The following SIM2 variants were observed in gnomAD, a reference collection of about 807,000 sequenced individuals.
SIM2 encodes the protein single-minded homolog 2.
A neutral mutation model predicts 64.8 loss-of-function variants in SIM2; 28 were observed. The ratio of observed to expected loss-of-function variants is 0.43; its 90% CI spans 0.32 to 0.59. The LOEUF is 0.59. SIM2 is among the 20% of genes least tolerant of loss of function. The pLI is 0.07. For missense variants in SIM2, 847 were observed against 871.4 expected (o/e 0.97, Z 0.35); for synonymous variants, 408 against 391.1 (o/e 1.04, Z -0.51).
intron 3 of SIM2, among the ~76,000 whole-genome samples, chr21:36,718,358 C>T (rs1401241760): frequency 2.6e-5 from 4 of 152,272 alleles, no homozygotes; most frequent in South Asian, 2.1e-4. Context: ...TGTCCTGTTG[C>T]GTGAGGTGGC....
chr21:36,742,147 T>C (rs1367954780), intron 8 of SIM2, among the ~76,000 whole-genome samples: 2 of 151,920 alleles, frequency 1.3e-5, no homozygotes, highest in African/African-American at 4.8e-5. Flanking sequence ...CAGAACCTAG[T>C]GAGGAGCATG....
At chr21:36,733,100 A>AG (rs551990756) in intron 7 of SIM2, among the ~76,000 whole-genome samples, 176 of 152,346 alleles carry the variant, frequency 1.2e-3, no homozygotes, top group Non-Finnish European at 1.9e-3. Flanking sequence ...CCATGGAGGC[A>AG]GGAGAATGCT....
At chr21:36,736,713 TTCCTTCCCTTCCTTCCC>T (rs1318426557) in intron 7 of SIM2, among the ~76,000 whole-genome samples, 1 of 124,372 alleles carries the variant, frequency 8.0e-6, no homozygotes, top group Non-Finnish European at 1.6e-5. Context: ...CAGAACTAAC[TTCCTTCCCTTCCTTCCC>T]TCCTTCCCTT....
chr21:36,728,778 G>A (rs1423938500), intron 6 of SIM2, among the ~76,000 whole-genome samples: 1 of 152,220 alleles, frequency 6.6e-6, no homozygotes, highest in African/African-American at 2.4e-5. Context: ...TCCCTTCTGA[G>A]TCCAAACCCC....
intron 2 of SIM2, chr21:36,710,001 G>C (rs1454555932): frequency 6.3e-6 from 1 of 158,506 alleles, no homozygotes; most frequent in African/African-American, 2.4e-5. Context: ...GCTAATTTTT[G>C]TAGAGACAGG....
chr21:36,703,148 C>T (rs1031654101), intron 1 of SIM2, among the ~76,000 whole-genome samples: 2 of 152,072 alleles, frequency 1.3e-5, no homozygotes, highest in Non-Finnish European at 2.9e-5. Flanking sequence ...AGCCTCTGTT[C>T]CTTTTAACAT....
chr21:36,716,036 G>T (rs930592278), intron 3 of SIM2, among the ~76,000 whole-genome samples: 12 of 152,194 alleles, frequency 7.9e-5, no homozygotes, highest in Admixed American at 7.9e-4. Context: ...CAGTAGAGAG[G>T]CAGGCTTTCA....
intron 1 of SIM2, among the ~76,000 whole-genome samples, chr21:36,706,050 G>A (rs1188871994): frequency 6.6e-6 from 1 of 152,160 alleles, no homozygotes; most frequent in Non-Finnish European, 1.5e-5. Context: ...CTATCTCCCC[G>A]TTTGCTCCCA....
At chr21:36,706,019 G>A (rs963635092) in intron 1 of SIM2, among the ~76,000 whole-genome samples, 3 of 152,126 alleles carry the variant, frequency 2.0e-5, no homozygotes, top group African/African-American at 7.2e-5. Context: ...GAAGGGGGAC[G>A]GCCACCTCAC....
chr21:36,730,157 C>T (rs1411641566), intron 6 of SIM2, among the ~76,000 whole-genome samples: 1 of 152,214 alleles, frequency 6.6e-6, no homozygotes, highest in Admixed American at 6.5e-5. Flanking sequence ...CCATCTGTGC[C>T]AATCAACAGT....
intron 3 of SIM2, among the ~76,000 whole-genome samples, chr21:36,715,945 G>A (rs1017037896): frequency 1.3e-5 from 2 of 152,032 alleles, no homozygotes; most frequent in African/African-American, 4.8e-5. Flanking sequence ...GATTGTTGCT[G>A]CCAAACTTTG....
At chr21:36,734,842 C>G (rs997275008) in intron 7 of SIM2, among the ~76,000 whole-genome samples, 5 of 152,328 alleles carry the variant, frequency 3.3e-5, no homozygotes, top group Admixed American at 6.5e-5. Context: ...AGGTACAGAA[C>G]CTGGGCCAGA....
chr21:36,741,921 G>A lies in SIM2; in HGVS notation c.998+57G>A, dbSNP rs898683131. 1.4e-5 allele frequency: 20 copies of A among 1,456,920 alleles called. No individual in the cohort carries two copies. In the South Asian group the frequency reaches 1.8e-4, roughly 13 times the overall value. 90.2% of individuals were successfully genotyped at this position (1,456,920 alleles called of 1,614,324 possible). On this transcript the variant is annotated intron_variant, in intron 8 of 10. Transcript: ENST00000290399. ...TCTTTTCTCTTCCCTGTCCCACATCGGATGGCTCCAATAAGCACCATCTCT... is the reference window on the plus strand; with the variant it reads ...TCTTTTCTCTTCCCTGTCCCACATCAGATGGCTCCAATAAGCACCATCTCT...
chr21:36,732,479 G>A (rs535428388), intron 7 of SIM2, among the ~76,000 whole-genome samples: 8 of 152,334 alleles, frequency 5.3e-5, no homozygotes, highest in Admixed American at 6.5e-5. Flanking sequence ...GCTGGGCTCC[G>A]TGTGGACTGG....
intron 2 of SIM2, among the ~76,000 whole-genome samples, chr21:36,711,320 T>TA (rs1319858811): frequency 1.3e-5 from 2 of 152,240 alleles, no homozygotes; most frequent in East Asian, 3.8e-4. Context: ...AATTGCTGTA[T>TA]AGTATATATT....
At position 36,699,775 on chromosome 21, in the gene SIM2, A is replaced by G; in HGVS notation, c.29A>G (p.Lys10Arg). 6.2e-7 allele frequency: 1 copy of G among 1,613,014 alleles called. No individual in the cohort carries two copies. The highest frequency in any genetic ancestry group is 8.5e-7 in the Non-Finnish European group (1 of 1,179,422). Reference protein sequence around the residue: MKEKSKNAAKTRREKENGEF... With the variant: MKEKSKNAARTRREKENGEF... ...AAGGAGAAGTCCAAGAATGCGGCCAAGACCAGGAGGGAGAAGGAAAATGGC... is the reference window on the plus strand; with the variant it reads ...AAGGAGAAGTCCAAGAATGCGGCCAGGACCAGGAGGGAGAAGGAAAATGGC... Residue 10 changes from lysine (K) to arginine (R), a missense_variant, in exon 1 of 11, where the codon AAG becomes AGG. Physicochemically the swap from Lys to Arg is conservative, Grantham distance 26. This residue lies in a region of SIM2 where 397 missense variants were observed against 439.2 expected (regional missense o/e 0.90). Coordinates refer to ENST00000290399, the MANE Select transcript of SIM2 (RefSeq NM_005069.6). The surrounding 1 kb of genome is among the most constrained non-coding windows in gnomAD (Gnocchi z 5.6).
chr21:36,707,276 G>T (rs973941479), intron 1 of SIM2, among the ~76,000 whole-genome samples: 7 of 152,198 alleles, frequency 4.6e-5, no homozygotes, highest in African/African-American at 1.7e-4. Context: ...TTCACATTTT[G>T]GTTCTTGCCA....
In SIM2 at chr21:36,718,112, CAT is replaced by C. The variant is rs140795499; in HGVS notation, c.349-1707_349-1706del. 2.8e-3 allele frequency among the ~76,000 whole-genome samples: 423 copies of C among 152,220 alleles called. 2 individuals carry two copies. The highest frequency in any genetic ancestry group is 9.6e-3 in the African/African-American group (400 of 41,534). On this transcript the variant is annotated intron_variant, in intron 3 of 10. Transcript: ENST00000290399. Reference sequence around the variant, plus strand: ...GAAACATTCCATGAATAATGTAAAACATAGAACTGTGAGAGCCGTTTTAGGGA... The same window carrying C: ...GAAACATTCCATGAATAATGTAAAACAGAACTGTGAGAGCCGTTTTAGGGA...
intron 7 of SIM2, among the ~76,000 whole-genome samples, chr21:36,737,484 C>A (rs2089080715): frequency 6.6e-6 from 1 of 152,224 alleles, no homozygotes; most frequent in South Asian, 2.1e-4. Context: ...CTGAGCACAG[C>A]CTGGTCCATA....
Sources: allele counts gnomAD v4.1 joint callset (sites outside exome capture counted in the v4.1 genomes callset), GRCh38; gene constraint gnomAD v4.1.1; regional missense constraint gnomAD v4.1.1; non-coding constraint Gnocchi (gnomAD v3.1); transcripts MANE v1.5; gene names NCBI Gene and HGNC (gene_info 2026-07-23, HGNC 2026-07-21).